The following AFAP1L2 variants were observed in gnomAD, a reference collection of about 807,000 sequenced individuals.
The protein encoded by AFAP1L2 is actin filament associated protein 1 like 2, also known as actin filament-associated protein 1-like 2.
Under a neutral mutation model 99.3 loss-of-function variants are expected in AFAP1L2, and 46 were observed. That is an observed-to-expected ratio of 0.46 (90% CI 0.37 to 0.59). The LOEUF (loss-of-function observed/expected upper bound fraction) is 0.59. AFAP1L2 is among the 20% of genes least tolerant of loss of function. The probability of loss-of-function intolerance (pLI) is 0.00; values close to 1 mark genes in which losing one functional copy is unlikely to be tolerated. For synonymous variants in AFAP1L2, 397 were observed against 419.1 expected, an observed-to-expected ratio of 0.95 and a Z score of 0.64; for missense variants, 959 against 1,034.9, an observed-to-expected ratio of 0.93 and a Z score of 1.01.
chr10:114,293,262 C>T (rs543017171), downstream of AFAP1L2, among the ~76,000 whole-genome samples: 12 of 152,322 alleles, frequency 7.9e-5, no homozygotes, highest in Admixed American at 3.9e-4. Context: ...CACATGCTCC[C>T]TAGCAGATGC....
chr10:114,399,760 A>C (rs2058067999), intron 1 of AFAP1L2, among the ~76,000 whole-genome samples: 1 of 152,166 alleles, frequency 6.6e-6, no homozygotes, highest in Non-Finnish European at 1.5e-5. Context: ...TCAACAGGAA[A>C]TTGGTTTTAT....
chr10:114,365,231 A>G (rs1044003956), intron 1 of AFAP1L2, among the ~76,000 whole-genome samples: 2 of 152,044 alleles, frequency 1.3e-5, no homozygotes, highest in Admixed American at 6.5e-5. Context: ...TGGTATGGAC[A>G]TTGTTCTCTT....
At chr10:114,311,340 G>A (rs912009161) in intron 7 of AFAP1L2, among the ~76,000 whole-genome samples, 3 of 151,160 alleles carry the variant, frequency 2.0e-5, no homozygotes, top group Admixed American at 2.0e-4. Flanking sequence ...AAGCCCTTTG[G>A]AAACGCAGAA....
chr10:114,383,195 G>T (rs1291555918), intron 1 of AFAP1L2, among the ~76,000 whole-genome samples: 2 of 152,222 alleles, frequency 1.3e-5, no homozygotes, highest in African/African-American at 4.8e-5. Flanking sequence ...CTGGGGCAGT[G>T]TTTGCCTCTG....
In AFAP1L2 at chr10:114,398,807, G is replaced by A. The variant is rs562354124; in HGVS notation, c.16+5633C>T. 10 of 1,302,896 alleles carry A rather than the reference G, an allele frequency of 7.7e-6. No individual in the cohort carries two copies. In the East Asian group the frequency reaches 5.6e-4, roughly 72 times the overall value. The allele number at this position is 1,302,896 out of a possible 1,614,324, so 80.7% of individuals were successfully genotyped here. On this transcript the variant is annotated intron_variant, in intron 1 of 18. Transcript: ENST00000304129. ...GTCTGCACCCTCGGGAGCCCTGGAG[G>A]CCAGGTGAGCTGCTGCAGAGGGCAC...
intron 1 of AFAP1L2, among the ~76,000 whole-genome samples, chr10:114,366,939 C>G (rs2053353787): frequency 6.6e-6 from 1 of 152,112 alleles, no homozygotes; most frequent in Non-Finnish European, 1.5e-5. Flanking sequence ...TGCACTCCAG[C>G]CTGGGTGACA....
chr10:114,388,657 C>T (rs1335731621), intron 1 of AFAP1L2, among the ~76,000 whole-genome samples: 1 of 152,140 alleles, frequency 6.6e-6, no homozygotes, highest in Non-Finnish European at 1.5e-5. Context: ...CAAAGTAAAG[C>T]TTAGAAAATG....
chr10:114,361,529 C>T (rs2052414708), intron 1 of AFAP1L2, among the ~76,000 whole-genome samples: 1 of 152,170 alleles, frequency 6.6e-6, no homozygotes, highest in Admixed American at 6.5e-5. Context: ...ACAGTACTCA[C>T]TCAAGATCAG....
chr10:114,323,406 G>A lies in AFAP1L2; in HGVS notation c.316-145C>T, dbSNP rs2045702824. The A allele has an allele frequency of 1.2e-5, 8 of 670,944 alleles. 1 individual carries two copies. Among genetic ancestry groups the A allele is most frequent in the Admixed American group, 1.2e-4 (5 of 42,022 alleles). The allele number at this position is 670,944 out of a possible 1,614,324, so 41.6% of individuals were successfully genotyped here. A position where few individuals can be genotyped will look rare whatever the true frequency, so the allele number is the denominator to read the frequency against. On this transcript the variant is annotated intron_variant, in intron 4 of 18. Transcript: ENST00000304129. ...AGCAAGTTGGGAGGGAGAACATGCA[G>A]TATCATGAATCCCATCAGTCACAGT...
rs2052152189 is a variant in AFAP1L2 at position 114,360,506 on chromosome 10, TAGTTAGA to T, written c.17-19782_17-19776del. On this transcript the variant is annotated intron_variant, in intron 1 of 18. Coordinates refer to ENST00000304129, the MANE Select transcript of AFAP1L2 (RefSeq NM_001001936.3). ...ATATCTAGATAGATAGATAGATAGA[TAGTTAGA>T]TAGATAGATAGATAGATAGATAGAT... Among the ~76,000 whole-genome samples the T allele has an allele frequency of 2.3e-3, 215 of 93,086 alleles. 2 individuals are homozygous for T. Among genetic ancestry groups the T allele is most frequent in the African/African-American group, 7.8e-3 (199 of 25,638 alleles). The allele number at this position is 93,086 out of a possible 152,430, so 61.1% of individuals were successfully genotyped here. A position where few individuals can be genotyped will look rare whatever the true frequency, so the allele number is the denominator to read the frequency against.
intron 7 of AFAP1L2, among the ~76,000 whole-genome samples, chr10:114,312,988 C>T (rs1176916769): frequency 6.6e-6 from 1 of 152,098 alleles, no homozygotes; most frequent in Non-Finnish European, 1.5e-5. Context: ...TCCTGTTTTA[C>T]CACAGCGGTC....
At chr10:114,285,009 A>G in the AFAP1L2 span, 1 of 1,490,056 alleles carries the variant, frequency 6.7e-7, no homozygotes, top group Non-Finnish European at 9.0e-7. Context: ...ACCACTGGGG[A>G]GCAAGAAGAG....
the AFAP1L2 span, chr10:114,282,677 G>A: frequency 1.0e-6 from 1 of 980,828 alleles, no homozygotes; most frequent in Non-Finnish European, 1.6e-6. Flanking sequence ...GTTGTGACTG[G>A]CTCCAGGGCA....
chr10:114,291,289 A>G (rs2039574224), downstream of AFAP1L2: 1 of 1,533,646 alleles, frequency 6.5e-7, no homozygotes, highest in Non-Finnish European at 8.8e-7. Context: ...CCCAGCAACT[A>G]CAGAGAAGGC....
chr10:114,389,993 C>T (rs1421964623), intron 1 of AFAP1L2, among the ~76,000 whole-genome samples: 1 of 152,214 alleles, frequency 6.6e-6, no homozygotes, highest in Admixed American at 6.5e-5. Flanking sequence ...AGGCTACAAG[C>T]AAACTCATGC....
rs1564851094 is a variant in AFAP1L2 at position 114,318,748 on chromosome 10, G to GAAAAGAAAAAAAGAA, written c.407-2984_407-2983insTTCTTTTTTTCTTTT. Among the ~76,000 whole-genome samples the GAAAAGAAAAAAAGAA allele has an allele frequency of 4.1e-3, 492 of 118,908 alleles. 13 individuals carry two copies. Among genetic ancestry groups the GAAAAGAAAAAAAGAA allele is most frequent in the African/African-American group, 0.014 (459 of 32,742 alleles). The allele number at this position is 118,908 out of a possible 152,430, so 78.0% of individuals were successfully genotyped here. A position where few individuals can be genotyped will look rare whatever the true frequency, so the allele number is the denominator to read the frequency against. Reference sequence around the variant, plus strand: ...AGGGTGAGACTCTGTCTAAAAAAAAGAAAAAAAAAAGAACAACAAATCATA... The same window carrying GAAAAGAAAAAAAGAA: ...AGGGTGAGACTCTGTCTAAAAAAAAGAAAAGAAAAAAAGAAAAAAAAAAAAGAACAACAAATCATA... On this transcript the variant is annotated intron_variant, in intron 5 of 18. Coordinates refer to ENST00000304129, the MANE Select transcript of AFAP1L2 (RefSeq NM_001001936.3).
At chr10:114,380,895 T>A (rs1448855934) in intron 1 of AFAP1L2, among the ~76,000 whole-genome samples, 2 of 152,234 alleles carry the variant, frequency 1.3e-5, no homozygotes, top group Non-Finnish European at 2.9e-5. Context: ...CTAGTGGGTA[T>A]GTAAAATGGT....
At position 114,297,422 on chromosome 10, in the gene AFAP1L2, A is replaced by T; in HGVS notation, c.2114-9T>A. On this transcript the variant is annotated splice_polypyrimidine_tract_variant and intron_variant, in intron 16 of 18. Coordinates refer to ENST00000304129, the MANE Select transcript of AFAP1L2 (RefSeq NM_001001936.3). ...CGCCAGGACTTCCTTGTCTGGAGAGAGAATTATGCAGGTGTCAGAGAACAG... is the reference window on the plus strand; with the variant it reads ...CGCCAGGACTTCCTTGTCTGGAGAGTGAATTATGCAGGTGTCAGAGAACAG... 1.2e-6 allele frequency: 2 copies of T among 1,610,470 alleles called. No individual in the cohort carries two copies. The highest frequency in any genetic ancestry group is 1.7e-6 in the Non-Finnish European group (2 of 1,179,376).
At chr10:114,302,305 G>A (rs763784929) in intron 12 of AFAP1L2, 34 bp downstream of exon 12, 1 of 1,613,854 alleles carries the variant, frequency 6.2e-7, no homozygotes, top group Non-Finnish European at 8.5e-7. Flanking sequence ...CCAGGAATAA[G>A]AGAGTGTACG....
Sources: allele counts gnomAD v4.1 joint callset (sites outside exome capture counted in the v4.1 genomes callset), GRCh38; gene constraint gnomAD v4.1.1; transcripts MANE v1.5; gene names NCBI Gene and HGNC (gene_info 2026-07-23, HGNC 2026-07-21).